The following PLEKHG1 variants were observed in gnomAD, a reference collection of about 807,000 sequenced individuals.
PLEKHG1 encodes the protein pleckstrin homology and RhoGEF domain containing G1.
A neutral mutation model predicts 100.8 loss-of-function variants in PLEKHG1; 44 were observed. The ratio of observed to expected loss-of-function variants is 0.44; its 90% CI spans 0.34 to 0.56. PLEKHG1 has a LOEUF of 0.56. PLEKHG1 is among the 20% of genes least tolerant of loss of function. PLEKHG1 has a pLI of 0.01. For missense variants in PLEKHG1, 1,545 were observed against 1,720.9 expected, an observed-to-expected ratio of 0.90 and a Z score of 1.81; for synonymous variants, 640 against 662.5, an observed-to-expected ratio of 0.97 and a Z score of 0.52.
intron 3 of PLEKHG1, among the ~76,000 whole-genome samples, chr6:150,702,706 TAAGC>T (rs1276397910): frequency 6.6e-6 from 1 of 152,168 alleles, no homozygotes; most frequent in Non-Finnish European, 1.5e-5. Context: ...ATAAAAAACA[TAAGC>T]AAAAGCTGTT....
At chr6:150,827,712 A>G in intron 14 of PLEKHG1, 1 of 1,200,080 alleles carries the variant, frequency 8.3e-7, no homozygotes, top group Non-Finnish European at 1.2e-6. Context: ...TTACGCAAAA[A>G]GGGTTTCTTA....
In PLEKHG1 at chr6:150,831,993, A is replaced by C; in HGVS notation, c.2882A>C (p.Asn961Thr). 3 of 1,613,530 alleles carry C rather than the reference A, an allele frequency of 1.9e-6. No individual in the cohort carries two copies. The highest frequency in any genetic ancestry group is 2.5e-6 in the Non-Finnish European group (3 of 1,179,776). Residue 961 changes from asparagine (N) to threonine (T), a missense_variant, in exon 15 of 16, where the codon AAC becomes ACC. Transcript: ENST00000358517. The surrounding 1 kb of genome is among the most constrained non-coding windows in gnomAD (Gnocchi z 4.1). ...GGCCTGTCTCAAACAGACCCAGAAAACCCTGACCTGGGGATGGAGGCCACA... is the reference window on the plus strand; with the variant it reads ...GGCCTGTCTCAAACAGACCCAGAAACCCCTGACCTGGGGATGGAGGCCACA...
chr6:150,822,177 A>AAAAAAAAAAAAC lies in PLEKHG1; in HGVS notation c.1447+945_1447+946insAAAAAAAAAACA, dbSNP rs1278144184. Among the ~76,000 whole-genome samples the AAAAAAAAAAAAC allele has an allele frequency of 3.1e-4, 39 of 124,390 alleles. 5 individuals are homozygous for AAAAAAAAAAAAC. Among genetic ancestry groups the AAAAAAAAAAAAC allele is most frequent in the South Asian group, 5.4e-4 (2 of 3,696 alleles). 81.6% of individuals were successfully genotyped at this position (124,390 alleles called of 152,430 possible). A position where few individuals can be genotyped will look rare whatever the true frequency, so the allele number is the denominator to read the frequency against. The stretch of plus-strand genomic sequence containing the variant: ...AAAAAAAAAAAAAAAAAAAAAAAAA[A>AAAAAAAAAAAAC]AGAATAGGGCAGTTTCACAAAAACA... On this transcript the variant is annotated intron_variant, in intron 13 of 15. Transcript: ENST00000358517.
intron 10 of PLEKHG1, among the ~76,000 whole-genome samples, chr6:150,812,539 G>A (rs972712613): frequency 1.3e-5 from 2 of 152,308 alleles, no homozygotes; most frequent in African/African-American, 4.8e-5. Flanking sequence ...TGGCAACTAA[G>A]AGAAAAGGGA....
At chr6:150,717,797 T>A (rs1466722185), upstream of PLEKHG1, among the ~76,000 whole-genome samples, 1 of 152,130 alleles carries the variant, frequency 6.6e-6, no homozygotes, top group Non-Finnish European at 1.5e-5. Flanking sequence ...CATTTTGGGC[T>A]AGGCACAGTG....
chr6:150,762,884 C>T (rs1784237132), intron 2 of PLEKHG1, among the ~76,000 whole-genome samples: 1 of 152,180 alleles, frequency 6.6e-6, no homozygotes, highest in South Asian at 2.1e-4. Flanking sequence ...TAAAGGGCTT[C>T]TTTCATTTGC....
intron 1 of PLEKHG1, among the ~76,000 whole-genome samples, chr6:150,634,553 A>G (rs1777910640): frequency 6.6e-6 from 1 of 152,236 alleles, no homozygotes; most frequent in African/African-American, 2.4e-5. Flanking sequence ...TTTGGGATAA[A>G]GCATTTTTTG....
intron 2 of PLEKHG1, among the ~76,000 whole-genome samples, chr6:150,750,811 C>G (rs1316128405): frequency 6.9e-6 from 1 of 144,934 alleles, no homozygotes; most frequent in Admixed American, 6.9e-5. Context: ...AAAGGCGGCA[C>G]AAATTACCTC....
intron 4 of PLEKHG1, among the ~76,000 whole-genome samples, chr6:150,791,898 A>G (rs749330790): frequency 3.3e-5 from 5 of 152,230 alleles, no homozygotes; most frequent in Non-Finnish European, 7.3e-5. Flanking sequence ...CACAGCAAAT[A>G]CATCTCTAAC....
intron 2 of PLEKHG1, among the ~76,000 whole-genome samples, chr6:150,754,317 G>T (rs557103497): frequency 3.3e-5 from 5 of 152,252 alleles, no homozygotes; most frequent in South Asian, 4.2e-4. Context: ...AGGGAGTTGA[G>T]GGGGAGCAAG....
intron 1 of PLEKHG1, among the ~76,000 whole-genome samples, chr6:150,627,336 C>A (rs939813177): frequency 2.0e-5 from 3 of 152,106 alleles, no homozygotes; most frequent in African/African-American, 7.2e-5. Flanking sequence ...CACTTTACTC[C>A]TTAATTTTGC....
chr6:150,817,851 C>T (rs532271970), intron 10 of PLEKHG1, among the ~76,000 whole-genome samples: 1 of 152,064 alleles, frequency 6.6e-6, no homozygotes, highest in South Asian at 2.1e-4. Context: ...CGTGAGCTAC[C>T]GCGCCCAGCC....
chr6:150,755,932 A>G (rs1263711473), intron 2 of PLEKHG1, among the ~76,000 whole-genome samples: 3 of 152,094 alleles, frequency 2.0e-5, no homozygotes, highest in Admixed American at 6.6e-5. Flanking sequence ...CTTGTGGTAG[A>G]TAGAAGCTGC....
At chr6:150,791,669 CAAAAA>C (rs1191880419) in intron 4 of PLEKHG1, among the ~76,000 whole-genome samples, 3 of 77,762 alleles carry the variant, frequency 3.9e-5, no homozygotes, top group African/African-American at 1.4e-4. Flanking sequence ...GACTCTGTCT[CAAAAA>C]AGAAAAAAAA....
chr6:150,660,357 A>G (rs952805707), intron 3 of PLEKHG1, among the ~76,000 whole-genome samples: 2 of 152,244 alleles, frequency 1.3e-5, no homozygotes, highest in Non-Finnish European at 1.5e-5. Context: ...TTATTTTCTT[A>G]GAGTTAACCC....
chr6:150,637,891 C>T (rs550801996), intron 1 of PLEKHG1, among the ~76,000 whole-genome samples: 12 of 152,198 alleles, frequency 7.9e-5, no homozygotes, highest in South Asian at 6.2e-4. Flanking sequence ...CTCTTGAAAG[C>T]GATTCTTTAT....
At chr6:150,654,044 C>G (rs1218372156) in intron 3 of PLEKHG1, among the ~76,000 whole-genome samples, 1 of 152,172 alleles carries the variant, frequency 6.6e-6, no homozygotes, top group African/African-American at 2.4e-5. Flanking sequence ...AAAATTGTCT[C>G]TACATTTTGT....
At chr6:150,728,449 T>C (rs1447642941) in intron 1 of PLEKHG1, among the ~76,000 whole-genome samples, 3 of 151,336 alleles carry the variant, frequency 2.0e-5, no homozygotes, top group Non-Finnish European at 4.4e-5. Context: ...AAAATAAAAT[T>C]AGCTTGGTAT....
chr6:150,715,012 T>C (rs1781372095), intron 3 of PLEKHG1, among the ~76,000 whole-genome samples: 1 of 151,694 alleles, frequency 6.6e-6, no homozygotes, highest in Non-Finnish European at 1.5e-5. Context: ...TTGGCCAGGC[T>C]GGTCTCGAAC....
Sources: gnomAD v4.1 joint callset for allele counts (sites outside exome capture counted in the v4.1 genomes callset) on GRCh38, gnomAD v4.1.1 for gene constraint, Gnocchi (gnomAD v3.1) non-coding constraint, MANE v1.5 for transcripts, NCBI Gene and HGNC (gene_info 2026-07-23, HGNC 2026-07-21) for gene names.